Variants in SPRYD7 observed in about 807,000 individuals in gnomAD.
SPRYD7 encodes the protein SPRY domain containing 7.
In SPRYD7, 14 loss-of-function variants were observed where a neutral mutation model predicts 23.8. The observed-to-expected ratio is 0.59, with a 90% CI of 0.39 to 0.92. The LOEUF (loss-of-function observed/expected upper bound fraction) is 0.92. Among genes scored for constraint, SPRYD7 ranks in the 40% least tolerant of loss-of-function variants. SPRYD7 has a pLI of 0.00. For synonymous variants in SPRYD7, 75 were observed against 84.9 expected (o/e 0.88, Z 0.64); for missense variants, 194 against 241.7 (o/e 0.80, Z 1.31).
intron 1 of SPRYD7, 23 bp from the exon 2 acceptor site, chr13:49,931,157 A>G (rs74488541): frequency 8.4e-6 from 12 of 1,425,768 alleles, no homozygotes; most frequent in Non-Finnish European, 1.2e-5. Flanking sequence ...TGCAGACACT[A>G]TGTAAAGTTT....
intron 2 of SPRYD7, 69 bp from the exon 3 acceptor site, chr13:49,928,154 AG>A (rs1159057820): frequency 1.1e-4 from 148 of 1,393,302 alleles, no homozygotes; most frequent in Middle Eastern, 1.9e-4. Flanking sequence ...TTTAAAAGGG[AG>A]TATAAACTTT....
chr13:49,922,026 G>GAC (rs1955826980), intron 3 of SPRYD7, among the ~76,000 whole-genome samples: 3 of 152,066 alleles, frequency 2.0e-5, no homozygotes, highest in Admixed American at 6.6e-5. Context: ...AAATTATGAA[G>GAC]AAACGTCTCT....
rs1039980893 is a variant in SPRYD7 at position 49,928,539 on chromosome 13, G to A, written c.224-454C>T. Among the ~76,000 whole-genome samples, 52 of 152,218 alleles carry A rather than the reference G, an allele frequency of 3.4e-4. 1 individual carries two copies. Among genetic ancestry groups the A allele is most frequent in the Admixed American group, 6.5e-5 (1 of 15,278 alleles). ...ATAAGAGAGTGGGCCCTGGAACAGT[G>A]CAAATGAGGATTAAATCTTGACTCT... On this transcript the variant is annotated intron_variant, in intron 2 of 4. Transcript: ENST00000361840.
At chr13:49,936,062 G>C in intron 1 of SPRYD7, 68 bp downstream of exon 1, 5 of 1,173,764 alleles carry the variant, frequency 4.3e-6, no homozygotes, top group Non-Finnish European at 5.8e-6. Flanking sequence ...CTCTGACCCT[G>C]AAGGTCCCCC....
chr13:49,925,777 A>G (rs1594514768), intron 3 of SPRYD7, among the ~76,000 whole-genome samples: 1 of 151,638 alleles, frequency 6.6e-6, no homozygotes, highest in South Asian at 2.1e-4. Flanking sequence ...GCGCCACTGC[A>G]CTCCAGCCTG....
At chr13:49,928,638 T>G (rs1955911648) in intron 2 of SPRYD7, among the ~76,000 whole-genome samples, 1 of 152,120 alleles carries the variant, frequency 6.6e-6, no homozygotes, top group Non-Finnish European at 1.5e-5. Flanking sequence ...CTAACAGTAC[T>G]CACCTTGCAA....
At chr13:49,921,695 G>T in intron 3 of SPRYD7, 115 bp from the exon 4 acceptor site, 1 of 640,838 alleles carries the variant, frequency 1.6e-6, no homozygotes, top group East Asian at 2.7e-5. Context: ...TTCATTAAGG[G>T]TTGACAATTT....
chr13:49,923,861 T>C (rs963113770), intron 3 of SPRYD7, among the ~76,000 whole-genome samples: 1 of 152,158 alleles, frequency 6.6e-6, no homozygotes, highest in Non-Finnish European at 1.5e-5. Context: ...GCCAAAATGA[T>C]AGCAAAATAT....
intron 4 of SPRYD7, among the ~76,000 whole-genome samples, chr13:49,920,249 G>GCAAAACAAAA (rs113040426): frequency 1.2e-3 from 177 of 149,520 alleles, no homozygotes; most frequent in Non-Finnish European, 2.0e-3. Context: ...AGACTCTGTC[G>GCAAAACAAAA]CAAAACAAAA....
intron 4 of SPRYD7, among the ~76,000 whole-genome samples, chr13:49,921,173 G>T (rs1955814879): frequency 6.6e-6 from 1 of 152,106 alleles, no homozygotes; most frequent in Non-Finnish European, 1.5e-5. Flanking sequence ...CACTCATGCT[G>T]TTCTTGTAAA....
At chr13:49,920,679 G>A (rs1255008325) in intron 4 of SPRYD7, among the ~76,000 whole-genome samples, 7 of 152,108 alleles carry the variant, frequency 4.6e-5, no homozygotes. Context: ...AGGTCCTTAT[G>A]GCTGGGCACG....
At chr13:49,915,981 G>A (rs1822127252) in intron 4 of SPRYD7, among the ~76,000 whole-genome samples, 1 of 152,162 alleles carries the variant, frequency 6.6e-6, no homozygotes, top group South Asian at 2.1e-4. Flanking sequence ...TAATACTCTA[G>A]AAAATATGGG....
chr13:49,919,963 G>T (rs1336849435), intron 4 of SPRYD7, among the ~76,000 whole-genome samples: 2 of 152,052 alleles, frequency 1.3e-5, no homozygotes, highest in South Asian at 4.1e-4. Context: ...GATGAAACCC[G>T]ATTGGTTACA....
chr13:49,927,269 T>C (rs1040953084), intron 3 of SPRYD7, among the ~76,000 whole-genome samples: 13 of 151,942 alleles, frequency 8.6e-5, no homozygotes, highest in Non-Finnish European at 1.3e-4. Flanking sequence ...CCGAGGCAGG[T>C]GGATCACTTG....
rs986360481 is a variant in SPRYD7 at position 49,914,146 on chromosome 13, A to G, written c.*917T>C. The stretch of plus-strand genomic sequence containing the variant: ...CGTTAACTAAAGGACAGTGATTCTT[A>G]AGAACCAGGCAAAGACTCAGGGTCA... On this transcript the variant is annotated 3_prime_UTR_variant, in exon 5 of 5. Transcript: ENST00000361840. 6.5e-6 allele frequency: 1 copy of G among 153,782 alleles called. No individual in the cohort carries two copies. The highest frequency in any genetic ancestry group is 2.1e-4 in the South Asian group (1 of 4,830). The allele number at this position is 153,782 out of a possible 1,614,324, so 9.5% of individuals were successfully genotyped here.
intron 1 of SPRYD7, among the ~76,000 whole-genome samples, chr13:49,931,471 C>T (rs538281421): frequency 4.6e-5 from 7 of 152,102 alleles, no homozygotes; most frequent in Admixed American, 2.0e-4. Flanking sequence ...TGAAGCACCG[C>T]GCCTGGCCAA....
Position 49,936,113 on chromosome 13 carries a change from GA to G in SPRYD7, c.106+16del. 6.4e-7 allele frequency: 1 copy of G among 1,564,984 alleles called. No individual in the cohort carries two copies. The highest frequency in any genetic ancestry group is 2.4e-5 in the East Asian group (1 of 41,242). ...GCCCCCGTGAGCCGTTGGGTCTGGGGAAGGGAGGGCCCTTACCCATGTGCTG... is the reference window on the plus strand; with the variant it reads ...GCCCCCGTGAGCCGTTGGGTCTGGGGAGGGAGGGCCCTTACCCATGTGCTG... On this transcript the variant is annotated intron_variant, in intron 1 of 4. Coordinates refer to ENST00000361840, the MANE Select transcript of SPRYD7 (RefSeq NM_020456.4).
At chr13:49,930,233 C>A (rs923513255) in intron 2 of SPRYD7, among the ~76,000 whole-genome samples, 1 of 152,154 alleles carries the variant, frequency 6.6e-6, no homozygotes, top group African/African-American at 2.4e-5. Flanking sequence ...CTGCAGACTT[C>A]TATCTGAATT....
intron 4 of SPRYD7, among the ~76,000 whole-genome samples, chr13:49,917,531 G>GT (rs1461375689): frequency 6.6e-6 from 1 of 152,138 alleles, no homozygotes; most frequent in African/African-American, 2.4e-5. Flanking sequence ...AGACAAAAGA[G>GT]TAAAGGGATT....
Sources: gnomAD v4.1 joint callset for allele counts (sites outside exome capture counted in the v4.1 genomes callset) on GRCh38, gnomAD v4.1.1 for gene constraint, MANE v1.5 for transcripts, NCBI Gene and HGNC (gene_info 2026-07-23, HGNC 2026-07-21) for gene names.